The following SUV39H2 variants were observed in gnomAD, a reference collection of about 807,000 sequenced individuals.
SUV39H2 encodes the protein SUV39H2 histone lysine methyltransferase.
In SUV39H2, 10 loss-of-function variants were observed where a neutral mutation model predicts 47.5. The observed-to-expected ratio is 0.21, with a 90% CI of 0.13 to 0.36. The LOEUF is 0.36. SUV39H2 is among the 10% of genes least tolerant of loss of function. The pLI is 1.00. For synonymous variants in SUV39H2, 159 were observed against 166.8 expected, an observed-to-expected ratio of 0.95 and a Z score of 0.36; for missense variants, 266 against 487.4, an observed-to-expected ratio of 0.55 and a Z score of 4.28.
intron 2 of SUV39H2, among the ~76,000 whole-genome samples, chr10:14,892,965 G>T (rs1432834920): frequency 6.7e-6 from 1 of 148,880 alleles, no homozygotes; most frequent in Non-Finnish European, 1.5e-5. Context: ...GATTACAGGT[G>T]CCTGCCCACC....
intron 5 of SUV39H2, among the ~76,000 whole-genome samples, chr10:14,901,585 TC>T (rs1283019892): frequency 1.3e-5 from 2 of 151,780 alleles, no homozygotes; most frequent in African/African-American, 4.8e-5. Context: ...GCATGCTGGC[TC>T]CTGCCTGTAA....
rs574513663 is a variant in SUV39H2 at position 14,878,935 on chromosome 10, G to C, written c.31+16G>C. On this transcript the variant is annotated intron_variant, in intron 1 of 5. Coordinates refer to ENST00000354919, the MANE Select transcript of SUV39H2 (RefSeq NM_001193424.2). ...GCGCGAGGAGGTGAGGCTGGAGCGC[G>C]GCCCCCTCGCCTTCCCTGTTCCCAG... 4.4e-5 allele frequency: 64 copies of C among 1,461,292 alleles called. No homozygotes were observed. In the South Asian group the frequency reaches 8.8e-4, roughly 20 times the overall value. The allele number at this position is 1,461,292 out of a possible 1,614,324, so 90.5% of individuals were successfully genotyped here. A position where few individuals can be genotyped will look rare whatever the true frequency, so the allele number is the denominator to read the frequency against.
chr10:14,895,124 T>C (rs1833525987), intron 2 of SUV39H2, among the ~76,000 whole-genome samples: 1 of 152,142 alleles, frequency 6.6e-6, no homozygotes, highest in African/African-American at 2.4e-5. Flanking sequence ...GAGACTTTAC[T>C]TCAAAATTTG....
At position 14,883,704 on chromosome 10, in the gene SUV39H2, C is replaced by CAAAAAAAA. The variant is rs58522342; in HGVS notation, c.177+2080_177+2087dup. Among the ~76,000 whole-genome samples the CAAAAAAAA allele has an allele frequency of 1.8e-3, 92 of 50,032 alleles. 2 individuals are homozygous for CAAAAAAAA. The highest frequency in any genetic ancestry group is 4.1e-3 in the African/African-American group (86 of 21,216). The allele number at this position is 50,032 out of a possible 152,430, so 32.8% of individuals were successfully genotyped here. ...TGGGCAACAGAGCGAGACTCAGTCT[C>CAAAAAAAA]AAAAAAAAAAAAAAAAAAAAAAAAA... is the stretch of plus-strand genomic sequence containing the variant. On this transcript the variant is annotated intron_variant, in intron 2 of 5. Coordinates refer to ENST00000354919, the MANE Select transcript of SUV39H2 (RefSeq NM_001193424.2).
chr10:14,900,224 G>T (rs971829107), intron 4 of SUV39H2, among the ~76,000 whole-genome samples: 4 of 152,136 alleles, frequency 2.6e-5, no homozygotes, highest in African/African-American at 9.7e-5. Flanking sequence ...AATACAGCTG[G>T]CACTTAACTG....
At chr10:14,894,114 A>C (rs1833482338) in intron 2 of SUV39H2, among the ~76,000 whole-genome samples, 1 of 152,222 alleles carries the variant, frequency 6.6e-6, no homozygotes. Flanking sequence ...GAGTGTGAAC[A>C]GATACCCACT....
At position 14,901,230 on chromosome 10, in the gene SUV39H2, G is replaced by C; in HGVS notation, c.1094G>C (p.Gly365Ala). Residue 365 changes from glycine to alanine, a missense_variant, in exon 5 of 6, where the codon GGA becomes GCA. Around this residue, in one of 4 missense-constraint regions of SUV39H2, gnomAD observed 112 missense variants for 271.9 expected, o/e 0.41. Transcript: ENST00000354919. ...ALFSTRTINAGEELTFDYQMK... is the reference protein window; with the variant it reads ...ALFSTRTINAAEELTFDYQMK... ...TTTTCCACAAGAACCATAAATGCTG[G>C]AGAAGAGCTGACTTTTGATTATCAA... 6.2e-7 allele frequency: 1 copy of C among 1,613,978 alleles called. No individual in the cohort carries two copies. Among genetic ancestry groups the C allele is most frequent in the African/African-American group, 1.3e-5 (1 of 75,024 alleles).
At chr10:14,885,263 C>T (rs374753592) in intron 2 of SUV39H2, among the ~76,000 whole-genome samples, 4 of 152,302 alleles carry the variant, frequency 2.6e-5, no homozygotes, top group Admixed American at 1.3e-4. Flanking sequence ...CAAAACTGCA[C>T]CTATTTTCCT....
At chr10:14,883,540 A>G (rs1273880293) in intron 2 of SUV39H2, among the ~76,000 whole-genome samples, 1 of 151,670 alleles carries the variant, frequency 6.6e-6, no homozygotes, top group Non-Finnish European at 1.5e-5. Flanking sequence ...CCCCGTCTCT[A>G]CTAAAAATAC....
intron 2 of SUV39H2, among the ~76,000 whole-genome samples, chr10:14,889,066 G>A (rs1245827440): frequency 6.6e-6 from 1 of 151,184 alleles, no homozygotes; most frequent in African/African-American, 2.4e-5. Flanking sequence ...TCGTGCCATT[G>A]CACTCCAGCC....
At chr10:14,898,672 T>C (rs1042764620) in intron 3 of SUV39H2, 4 of 152,314 alleles carry the variant, frequency 2.6e-5, no homozygotes, top group East Asian at 3.8e-4. Flanking sequence ...TAAAGTACTT[T>C]AGACACTTTT....
At chr10:14,894,123 C>G (rs951940858) in intron 2 of SUV39H2, among the ~76,000 whole-genome samples, 5 of 152,066 alleles carry the variant, frequency 3.3e-5, no homozygotes, top group East Asian at 3.8e-4. Flanking sequence ...CAGATACCCA[C>G]TAACAGCAGT....
At position 14,901,183 on chromosome 10, in the gene SUV39H2, T is replaced by C; in HGVS notation, c.1047T>C (p.Thr349=). The part of the protein sequence containing the change: ...VFNVFIDNLD[T]RLPRIALFST... ...ATGTTTTCATTGATAACCTCGATAC[T>C]CGTCTTCCCCGAATAGCATTGTTTT... Residue 349 remains threonine, a synonymous_variant, in exon 5 of 6, where the codon ACT becomes ACC. Transcript: ENST00000354919. The C allele has an allele frequency of 6.2e-7, 1 of 1,614,076 alleles. No individual in the cohort carries two copies. The highest frequency in any genetic ancestry group is 8.5e-7 in the Non-Finnish European group (1 of 1,179,964).
chr10:14,888,504 C>T (rs1373787466), intron 2 of SUV39H2, among the ~76,000 whole-genome samples: 3 of 151,958 alleles, frequency 2.0e-5, no homozygotes, highest in Admixed American at 6.6e-5. Context: ...CATGGTGGTG[C>T]GCTTGCCTAT....
chr10:14,894,978 G>T (rs937963230), intron 2 of SUV39H2, among the ~76,000 whole-genome samples: 1 of 152,004 alleles, frequency 6.6e-6, no homozygotes, highest in Non-Finnish European at 1.5e-5. Flanking sequence ...AGATTTTTCA[G>T]TATCTAAGAC....
At chr10:14,889,853 G>A (rs1833331549) in intron 2 of SUV39H2, among the ~76,000 whole-genome samples, 3 of 152,148 alleles carry the variant, frequency 2.0e-5, no homozygotes, top group Admixed American at 2.0e-4. Flanking sequence ...CTCAATGCAA[G>A]GTGATTTTTC....
At chr10:14,901,398 A>G in intron 5 of SUV39H2, 136 bp downstream of exon 5, 1 of 1,168,940 alleles carries the variant, frequency 8.6e-7, no homozygotes, top group Non-Finnish European at 1.2e-6. Context: ...TTGTCATCCT[A>G]AGGTACAAAG....
chr10:14,880,947 A>G (rs954627454), intron 1 of SUV39H2, among the ~76,000 whole-genome samples: 5 of 152,224 alleles, frequency 3.3e-5, no homozygotes, highest in African/African-American at 1.2e-4. Flanking sequence ...CATGCAACAT[A>G]TCAAAGAGAA....
chr10:14,883,534 G>A (rs986586306), intron 2 of SUV39H2, among the ~76,000 whole-genome samples: 78 of 151,314 alleles, frequency 5.2e-4, no homozygotes, highest in African/African-American at 1.7e-3. Flanking sequence ...GTGAAACCCC[G>A]TCTCTACTAA....
Sources: gnomAD v4.1 joint callset for allele counts (sites outside exome capture counted in the v4.1 genomes callset) on GRCh38, gnomAD v4.1.1 for gene constraint, gnomAD v4.1.1 regional missense constraint, MANE v1.5 for transcripts, NCBI Gene and HGNC (gene_info 2026-07-23, HGNC 2026-07-21) for gene names.